The following SLC25A21 variants were observed in gnomAD, a reference collection of about 807,000 sequenced individuals.
SLC25A21 encodes the protein mitochondrial 2-oxodicarboxylate carrier.
SLC25A21 carries 47 observed loss-of-function variants against 43.8 expected under a neutral mutation model. The ratio of observed to expected loss-of-function variants is 1.07; its 90% CI spans 0.85 to 1.37. The LOEUF is 1.37. SLC25A21 is among the 40% of genes most tolerant of loss of function. The probability of loss-of-function intolerance (pLI) is 0.00; values close to 1 mark genes in which losing one functional copy is unlikely to be tolerated. For synonymous variants in SLC25A21, 131 were observed against 121.3 expected, an observed-to-expected ratio of 1.08 and a Z score of -0.52; for missense variants, 352 against 350.2, an observed-to-expected ratio of 1.00 and a Z score of -0.04.
intron 2 of SLC25A21, among the ~76,000 whole-genome samples, chr14:36,857,198 T>A (rs1025311752): frequency 1.3e-5 from 2 of 152,220 alleles, no homozygotes; most frequent in Non-Finnish European, 2.9e-5. Flanking sequence ...CAGCATTTCT[T>A]AGCCTCAGCT....
chr14:37,042,148 G>GTT (rs1961487574), intron 1 of SLC25A21, among the ~76,000 whole-genome samples: 1 of 152,152 alleles, frequency 6.6e-6, no homozygotes. Context: ...CTCTCAGCTT[G>GTT]TTTATATGTT....
rs549204621 is a variant in SLC25A21 at position 37,135,691 on chromosome 14, CCTAAACATTTTAACAATTTTGTTG to C, written c.70+36566_70+36589del. 6.2e-3 allele frequency among the ~76,000 whole-genome samples: 951 copies of C among 152,224 alleles called. 7 individuals are homozygous for C. The highest frequency in any genetic ancestry group is 0.02 in the African/African-American group (819 of 41,532). ...GATCTAACAAGGACACTACTTTTTC[CCTAAACATTTTAACAATTTTGTTG>C]AATGGGAAAAATAGTAGAGTGCTAC... On this transcript the variant is annotated intron_variant, in intron 1 of 9. Coordinates refer to ENST00000331299, the MANE Select transcript of SLC25A21 (RefSeq NM_030631.4).
At chr14:37,164,351 GTTAT>G (rs1317396683) in intron 1 of SLC25A21, among the ~76,000 whole-genome samples, 1 of 152,074 alleles carries the variant, frequency 6.6e-6, no homozygotes, top group Non-Finnish European at 1.5e-5. Context: ...TGAAATAAGG[GTTAT>G]TTTTTTCTCC....
chr14:36,989,016 A>T (rs1960205665), intron 1 of SLC25A21, among the ~76,000 whole-genome samples: 2 of 152,242 alleles, frequency 1.3e-5, no homozygotes, highest in African/African-American at 4.8e-5. Flanking sequence ...TTTTGAAAGC[A>T]ATTACTGCCA....
intron 1 of SLC25A21, among the ~76,000 whole-genome samples, chr14:36,988,087 G>A (rs994475166): frequency 3.3e-5 from 5 of 152,152 alleles, no homozygotes; most frequent in African/African-American, 9.7e-5. Flanking sequence ...CCTTCCCTGT[G>A]GCAACACGGC....
At chr14:36,686,246 C>A (rs1313637106) in intron 7 of SLC25A21, among the ~76,000 whole-genome samples, 1 of 152,044 alleles carries the variant, frequency 6.6e-6, no homozygotes, top group Admixed American at 6.6e-5. Flanking sequence ...ATACAGGTGC[C>A]GGGGAGGTTT....
At chr14:36,700,793 A>G (rs1375789845) in intron 7 of SLC25A21, among the ~76,000 whole-genome samples, 1 of 152,210 alleles carries the variant, frequency 6.6e-6, no homozygotes, top group Non-Finnish European at 1.5e-5. Flanking sequence ...CAAAGAACCA[A>G]GGTTTCAGAA....
intron 1 of SLC25A21, among the ~76,000 whole-genome samples, chr14:36,951,899 C>G (rs1228524009): frequency 6.6e-6 from 1 of 152,182 alleles, no homozygotes; most frequent in Non-Finnish European, 1.5e-5. Context: ...TTCAGGTAGT[C>G]TTGCTTCAGG....
chr14:37,171,188 T>G (rs368632837), intron 1 of SLC25A21, among the ~76,000 whole-genome samples: 1 of 151,534 alleles, frequency 6.6e-6, no homozygotes, highest in South Asian at 2.1e-4. Context: ...AAGCAATGAA[T>G]GGCTCTAATG....
chr14:36,884,571 T>C (rs1449541421), intron 1 of SLC25A21, among the ~76,000 whole-genome samples: 1 of 152,202 alleles, frequency 6.6e-6, no homozygotes, highest in Admixed American at 6.5e-5. Context: ...CCATAATGGC[T>C]ATACTAATAT....
At chr14:37,156,953 T>C (rs1335912858) in intron 1 of SLC25A21, among the ~76,000 whole-genome samples, 1 of 152,210 alleles carries the variant, frequency 6.6e-6, no homozygotes, top group Non-Finnish European at 1.5e-5. Context: ...TTACAAAACA[T>C]TATATCCAAC....
chr14:37,073,226 T>C (rs983204482), intron 1 of SLC25A21, among the ~76,000 whole-genome samples: 8 of 152,350 alleles, frequency 5.3e-5, no homozygotes, highest in Non-Finnish European at 1.0e-4. Flanking sequence ...CAAGAGAATA[T>C]TGTATAGACC....
chr14:37,119,181 A>C (rs977557308), intron 1 of SLC25A21, among the ~76,000 whole-genome samples: 3 of 152,332 alleles, frequency 2.0e-5, no homozygotes, highest in African/African-American at 7.2e-5. Flanking sequence ...AAAGGAGAAG[A>C]AGCCTCAGTT....
chr14:36,764,557 CAAAACAAAA>C, intron 3 of SLC25A21, among the ~76,000 whole-genome samples: 2 of 122,518 alleles, frequency 1.6e-5, no homozygotes, highest in African/African-American at 3.0e-5. Context: ...AAAGCCAAAA[CAAAACAAAA>C]CAAAACAAAA....
chr14:37,052,915 G>A (rs1961740490), intron 1 of SLC25A21, among the ~76,000 whole-genome samples: 1 of 152,156 alleles, frequency 6.6e-6, no homozygotes, highest in African/African-American at 2.4e-5. Context: ...TAAGATTACA[G>A]GTATGAGCCT....
At position 36,737,586 on chromosome 14, in the gene SLC25A21, G is replaced by A. The variant is rs545225196; in HGVS notation, c.204-3013C>T. Among the ~76,000 whole-genome samples the A allele has an allele frequency of 1.6e-4, 24 of 152,268 alleles. No individual in the cohort carries two copies. The South Asian group carries it at 4.4e-3, about 28-fold the overall frequency. Reference sequence around the variant, plus strand: ...CCTACCTCCTCGCATTGCTTTTACCGTATATCCATGCAATAGAGGACTGTG... The same window carrying A: ...CCTACCTCCTCGCATTGCTTTTACCATATATCCATGCAATAGAGGACTGTG... On this transcript the variant is annotated intron_variant, in intron 3 of 9. Transcript: ENST00000331299.
At chr14:36,802,739 C>T (rs78020780) in intron 3 of SLC25A21, among the ~76,000 whole-genome samples, 1,681 of 152,040 alleles carry the variant, frequency 0.011, 26 homozygotes, top group African/African-American at 0.036. Context: ...TTTGGATGAC[C>T]GGAATTTCCA....
intron 1 of SLC25A21, among the ~76,000 whole-genome samples, chr14:37,145,737 A>G (rs1321087282): frequency 1.3e-5 from 2 of 152,178 alleles, no homozygotes; most frequent in Non-Finnish European, 2.9e-5. Flanking sequence ...CTCAACAATC[A>G]GATACTCTAT....
At chr14:36,685,513 G>C (rs1203846225) in intron 7 of SLC25A21, among the ~76,000 whole-genome samples, 3 of 152,316 alleles carry the variant, frequency 2.0e-5, no homozygotes, top group East Asian at 3.9e-4. Context: ...AAAACAGCCT[G>C]TGACATTCTG....
Sources: gnomAD v4.1 joint callset for allele counts (sites outside exome capture counted in the v4.1 genomes callset) on GRCh38, gnomAD v4.1.1 for gene constraint, MANE v1.5 for transcripts, NCBI Gene and HGNC (gene_info 2026-07-23, HGNC 2026-07-21) for gene names.